HEMK2: variants seen among roughly 807,000 people sequenced by gnomAD.
The protein encoded by HEMK2 is methyltransferase HEMK2.
the HEMK2 span, among the ~76,000 whole-genome samples, chr21:28,660,061 T>G: frequency 6.6e-6 from 1 of 152,018 alleles, no homozygotes; most frequent in Non-Finnish European, 1.5e-5. Flanking sequence ...GTATTCAGTA[T>G]TTTTATATTA....
At chr21:28,882,328 C>A in the HEMK2 span, 2 of 1,078,918 alleles carry the variant, frequency 1.9e-6, no homozygotes, top group Non-Finnish European at 2.8e-6. Flanking sequence ...AAGGTATGTT[C>A]CATTAATTCT....
At chr21:28,647,583 G>A in the HEMK2 span, among the ~76,000 whole-genome samples, 3 of 151,400 alleles carry the variant, frequency 2.0e-5, no homozygotes, top group African/African-American at 7.3e-5. Flanking sequence ...TCCACCCAAC[G>A]TCACCTCCCT....
chr21:28,860,402 G>A, the HEMK2 span, among the ~76,000 whole-genome samples: 3 of 151,516 alleles, frequency 2.0e-5, no homozygotes, highest in African/African-American at 7.3e-5. Context: ...AGCCTATGAA[G>A]GGACCTTGTG....
At chr21:28,666,923 T>C in the HEMK2 span, among the ~76,000 whole-genome samples, 1 of 152,162 alleles carries the variant, frequency 6.6e-6, no homozygotes, top group Non-Finnish European at 1.5e-5. Context: ...TGCAGTAATC[T>C]GAAAGTATTT....
At chr21:28,692,560 A>G in the HEMK2 span, among the ~76,000 whole-genome samples, 1 of 152,252 alleles carries the variant, frequency 6.6e-6, no homozygotes, top group East Asian at 1.9e-4. Context: ...ATCTAAAAGG[A>G]AATAAACCAA....
At chr21:28,728,213 A>T in the HEMK2 span, among the ~76,000 whole-genome samples, 9 of 152,244 alleles carry the variant, frequency 5.9e-5, no homozygotes, top group Non-Finnish European at 1.3e-4. Context: ...ATGTAGACAC[A>T]TCCCATAATC....
At chr21:28,710,810 T>C in the HEMK2 span, among the ~76,000 whole-genome samples, 1 of 152,226 alleles carries the variant, frequency 6.6e-6, no homozygotes, top group Non-Finnish European at 1.5e-5. Context: ...ATTTTTGCTA[T>C]TTTTTAAAAC....
chr21:28,624,869 A>G, the HEMK2 span, among the ~76,000 whole-genome samples: 1 of 152,318 alleles, frequency 6.6e-6, no homozygotes, highest in African/African-American at 2.4e-5. Context: ...CAAAGAGGTC[A>G]GCTGCAGACC....
the HEMK2 span, among the ~76,000 whole-genome samples, chr21:28,771,425 A>G: frequency 6.6e-6 from 1 of 151,294 alleles, no homozygotes; most frequent in Non-Finnish European, 1.5e-5. Flanking sequence ...GCCCAGAGAC[A>G]TGTTTGGTTG....
the HEMK2 span, among the ~76,000 whole-genome samples, chr21:28,842,977 T>C: frequency 1.3e-5 from 2 of 152,174 alleles, no homozygotes; most frequent in African/African-American, 2.4e-5. Context: ...AATGGGAAGA[T>C]AGACAGTTTG....
At chr21:28,656,497 T>C in the HEMK2 span, among the ~76,000 whole-genome samples, 1 of 151,888 alleles carries the variant, frequency 6.6e-6, no homozygotes, top group African/African-American at 2.4e-5. Flanking sequence ...TCCTCAGCCT[T>C]AGACAGGGCT....
At chr21:28,800,278 A>C in the HEMK2 span, among the ~76,000 whole-genome samples, 1 of 152,138 alleles carries the variant, frequency 6.6e-6, no homozygotes, top group Non-Finnish European at 1.5e-5. Flanking sequence ...CGCACTACAC[A>C]ATCTTGGATG....
chr21:28,670,848 C>G, the HEMK2 span: 1 of 152,114 alleles, frequency 6.6e-6, no homozygotes, highest in Non-Finnish European at 1.5e-5. Flanking sequence ...ACTGTCAGAT[C>G]TTGGTGTGAA....
the HEMK2 span, among the ~76,000 whole-genome samples, chr21:28,838,972 A>AAATATATATATAT: frequency 3.4e-5 from 1 of 29,164 alleles, no homozygotes; most frequent in Non-Finnish European, 5.6e-5. Context: ...AAAAAAAAAA[A>AAATATATATATAT]ATATATATAT....
chr21:28,720,993 A>C, the HEMK2 span, among the ~76,000 whole-genome samples: 2 of 152,226 alleles, frequency 1.3e-5, no homozygotes, highest in Non-Finnish European at 2.9e-5. Context: ...AATGTTTGAC[A>C]GTATGGATTG....
At chr21:28,711,115 T>A in the HEMK2 span, among the ~76,000 whole-genome samples, 1 of 152,156 alleles carries the variant, frequency 6.6e-6, no homozygotes, top group Non-Finnish European at 1.5e-5. Context: ...AGCTAGAAAC[T>A]CTAAGTACTT....
chr21:28,841,270 T>TATATAATATATATAAATATATAA, the HEMK2 span, among the ~76,000 whole-genome samples: 24 of 6,178 alleles, frequency 3.9e-3, 3 homozygotes, highest in African/African-American at 0.046. Context: ...ATAATATATA[T>TATATAATATATATAAATATATAA]TATATATTAT....
chr21:28,790,084 C>T, the HEMK2 span, among the ~76,000 whole-genome samples: 17 of 152,154 alleles, frequency 1.1e-4, no homozygotes, highest in Non-Finnish European at 1.9e-4. Context: ...ACTTCACAAA[C>T]ACTTCATGGC....
the HEMK2 span, among the ~76,000 whole-genome samples, chr21:28,646,150 G>T: frequency 6.6e-6 from 1 of 152,124 alleles, no homozygotes; most frequent in Non-Finnish European, 1.5e-5. Context: ...TGTTTGCAGA[G>T]GTTTGATGTC....
Sources: allele counts gnomAD v4.1 joint callset (sites outside exome capture counted in the v4.1 genomes callset), GRCh38; gene constraint gnomAD v4.1.1; transcripts MANE v1.5; gene names NCBI Gene and HGNC (gene_info 2026-07-23, HGNC 2026-07-21).